The following GATAD2A variants were observed in gnomAD, a reference collection of about 807,000 sequenced individuals.
The protein encoded by GATAD2A is transcriptional repressor p66-alpha.
Under a neutral mutation model 68.5 loss-of-function variants are expected in GATAD2A, and 12 were observed. The ratio of observed to expected loss-of-function variants is 0.18; its 90% confidence interval spans 0.11 to 0.28. The LOEUF is 0.28. GATAD2A is among the 10% of genes least tolerant of loss of function. The probability of loss-of-function intolerance (pLI) is 1.00; values close to 1 mark genes in which losing one functional copy is unlikely to be tolerated. For missense variants in GATAD2A, 755 were observed against 868.5 expected, an observed-to-expected ratio of 0.87 and a Z score of 1.64; for synonymous variants, 410 against 375.3, an observed-to-expected ratio of 1.09 and a Z score of -1.07.
chr19:19,461,208 A>C (rs1187343980), intron 1 of GATAD2A, among the ~76,000 whole-genome samples: 3 of 152,096 alleles, frequency 2.0e-5, no homozygotes, highest in African/African-American at 7.2e-5. Context: ...GCGAAGCCTC[A>C]CTTTCTTCCT....
chr19:19,449,956 T>A (rs1279944758), intron 1 of GATAD2A, among the ~76,000 whole-genome samples: 32 of 105,196 alleles, frequency 3.0e-4, no homozygotes. Flanking sequence ...TTATCTTATA[T>A]TAAAAGGTTT....
At chr19:19,440,104 G>T in intron 1 of GATAD2A, 1 of 401,324 alleles carries the variant, frequency 2.5e-6, no homozygotes, top group Admixed American at 3.2e-5. Context: ...AGGGAGGAAG[G>T]AGTAGGTGAT....
At chr19:19,485,494 C>G (rs1600255152) in intron 2 of GATAD2A, among the ~76,000 whole-genome samples, 1 of 152,296 alleles carries the variant, frequency 6.6e-6, no homozygotes, top group Non-Finnish European at 1.5e-5. Context: ...CTCCATCTCC[C>G]CCACTATAGC....
Position 19,465,583 on chromosome 19 carries a change from G to C in GATAD2A, c.238G>C (p.Asp80His). 2 of 1,612,870 alleles carry C rather than the reference G, an allele frequency of 1.2e-6. No homozygotes were observed. Among genetic ancestry groups the C allele is most frequent in the Non-Finnish European group, 8.5e-7 (1 of 1,179,384 alleles). ...AMGRGEGLVG[D>H]GPVDMRTSHS... ...GGGCAGAGGCGAAGGGCTGGTGGGC[G>C]ATGGGCCCGTGGACATGCGCACCTC... The change falls in exon 2 of 12, where the codon GAT becomes CAT. Residue 80 changes from aspartate to histidine, a missense_variant. Asp to His is a moderately conservative substitution (Grantham distance 81). Coordinates refer to ENST00000683918, the MANE Select transcript of GATAD2A (RefSeq NM_001384528.1).
At chr19:19,489,829 C>T (rs762965034) in intron 2 of GATAD2A, among the ~76,000 whole-genome samples, 3 of 152,256 alleles carry the variant, frequency 2.0e-5, no homozygotes, top group Non-Finnish European at 4.4e-5. Context: ...GCCTTGGCCC[C>T]CTGCTCCCCT....
intron 1 of GATAD2A, among the ~76,000 whole-genome samples, chr19:19,461,745 G>GTGCT (rs2057448631): frequency 6.6e-6 from 1 of 152,244 alleles, no homozygotes; most frequent in Non-Finnish European, 1.5e-5. Context: ...AGCCTTGCTG[G>GTGCT]TGCTGCTCAT....
intron 1 of GATAD2A, among the ~76,000 whole-genome samples, chr19:19,454,204 T>G (rs1229506940): frequency 8.7e-6 from 1 of 114,562 alleles, no homozygotes; most frequent in Non-Finnish European, 1.7e-5. Context: ...TCCATGTTGG[T>G]CAGCTGGTCT....
At chr19:19,407,569 AC>A (rs1277137861) in intron 1 of GATAD2A, among the ~76,000 whole-genome samples, 2 of 152,128 alleles carry the variant, frequency 1.3e-5, no homozygotes, top group African/African-American at 4.8e-5. Context: ...CAGTTTGCGA[AC>A]CCTAGTGAGC....
At chr19:19,474,400 G>T (rs1253880494) in intron 2 of GATAD2A, among the ~76,000 whole-genome samples, 3 of 152,132 alleles carry the variant, frequency 2.0e-5, no homozygotes, top group Non-Finnish European at 1.5e-5. Context: ...GGGCCCTCAC[G>T]CACTCCCAGC....
At chr19:19,441,974 G>C (rs1244511151) in intron 1 of GATAD2A, among the ~76,000 whole-genome samples, 1 of 152,120 alleles carries the variant, frequency 6.6e-6, no homozygotes, top group Non-Finnish European at 1.5e-5. Flanking sequence ...TGATTCTTCT[G>C]CCTCAGCCTC....
intron 1 of GATAD2A, among the ~76,000 whole-genome samples, chr19:19,397,377 T>C (rs1231901988): frequency 1.3e-5 from 2 of 151,736 alleles, no homozygotes; most frequent in Admixed American, 6.6e-5. Context: ...GAATGAGTAA[T>C]GTGTAATGAG....
At chr19:19,482,644 A>T (rs1337985418) in intron 2 of GATAD2A, among the ~76,000 whole-genome samples, 1 of 151,990 alleles carries the variant, frequency 6.6e-6, no homozygotes, top group Non-Finnish European at 1.5e-5. Flanking sequence ...GTAATGATGG[A>T]GCTGTGGAGA....
chr19:19,420,498 A>AT (rs34881322), intron 1 of GATAD2A, among the ~76,000 whole-genome samples: 27,751 of 126,126 alleles, frequency 0.22, 2,871 homozygotes, highest in South Asian at 0.35. Context: ...CGCCTGGCCA[A>AT]TTTTTTTTTT....
At chr19:19,496,466 G>A (rs2060156944) in intron 7 of GATAD2A, among the ~76,000 whole-genome samples, 1 of 152,224 alleles carries the variant, frequency 6.6e-6, no homozygotes, top group African/African-American at 2.4e-5. Flanking sequence ...CGAGAGGGGC[G>A]ATGCACGGAC....
chr19:19,386,195 C>T (rs552960607), intron 1 of GATAD2A: 443 of 152,556 alleles, frequency 2.9e-3, no homozygotes, highest in Non-Finnish European at 5.1e-3. Context: ...CCCAGGCTCT[C>T]TGGGGCTTCC....
intron 2 of GATAD2A, among the ~76,000 whole-genome samples, chr19:19,491,364 G>C (rs765715409): frequency 1.3e-5 from 2 of 152,186 alleles, no homozygotes; most frequent in Non-Finnish European, 2.9e-5. Context: ...AAAAGGGGAG[G>C]AACAGGCCTT....
chr19:19,426,205 C>T (rs973374884), intron 1 of GATAD2A, among the ~76,000 whole-genome samples: 5 of 152,166 alleles, frequency 3.3e-5, no homozygotes, highest in South Asian at 2.1e-4. Flanking sequence ...GGCTCATACC[C>T]AGCCGTGGGT....
chr19:19,446,093 A>T (rs187462676), intron 1 of GATAD2A, among the ~76,000 whole-genome samples: 1 of 152,008 alleles, frequency 6.6e-6, no homozygotes, highest in African/African-American at 2.4e-5. Flanking sequence ...ACGTCACTCT[A>T]CCGTTTTACT....
chr19:19,420,190 T>TG (rs1405684928), intron 1 of GATAD2A, among the ~76,000 whole-genome samples: 6 of 145,296 alleles, frequency 4.1e-5, no homozygotes, highest in Non-Finnish European at 9.1e-5. Flanking sequence ...TTTTTTTTTT[T>TG]TTTTTTTTTT....
Sources: allele counts gnomAD v4.1 joint callset (sites outside exome capture counted in the v4.1 genomes callset), GRCh38; gene constraint gnomAD v4.1.1; transcripts MANE v1.5; gene names NCBI Gene and HGNC (gene_info 2026-07-23, HGNC 2026-07-21).